Variants in NTM observed in about 807,000 individuals in gnomAD.
NTM encodes the protein neurotrimin, also known as IgLON family member 2.
A neutral mutation model predicts 42.1 loss-of-function variants in NTM; 13 were observed. The observed-to-expected ratio is 0.31, with a 90% confidence interval of 0.20 to 0.49. The LOEUF (loss-of-function observed/expected upper bound fraction) is 0.49, where lower values mean the gene tolerates loss of function less well. Ranked by LOEUF, NTM falls within the 20% of genes least tolerant of loss-of-function variation. The pLI, the probability that NTM is intolerant of heterozygous loss-of-function variation, is 0.99. For synonymous variants in NTM, 187 were observed against 179.2 expected (o/e 1.04, Z -0.35); for missense variants, 373 against 452.8 (o/e 0.82, Z 1.60).
At chr11:131,835,092 G>A (rs985212462) in intron 1 of NTM, among the ~76,000 whole-genome samples, 5 of 152,142 alleles carry the variant, frequency 3.3e-5, no homozygotes, top group Non-Finnish European at 7.3e-5. Flanking sequence ...CTTACACTCT[G>A]GAGACTGGAT....
intron 2 of NTM, among the ~76,000 whole-genome samples, chr11:131,959,531 G>A (rs897127014): frequency 6.6e-6 from 1 of 152,172 alleles, no homozygotes; most frequent in Admixed American, 6.5e-5. Context: ...AGCTACTAGG[G>A]AGGTTGTGGT....
intron 7 of NTM, among the ~76,000 whole-genome samples, chr11:132,318,158 G>A (rs1425114934): frequency 1.3e-5 from 2 of 152,206 alleles, no homozygotes; most frequent in Admixed American, 1.3e-4. Context: ...GCATGGCACT[G>A]CATGAGTGGT....
chr11:132,011,918 G>A lies in NTM; in HGVS notation c.167+100270G>A, dbSNP rs150326823. 8.0e-3 allele frequency among the ~76,000 whole-genome samples: 1,213 copies of A among 152,228 alleles called. 8 individuals are homozygous for A. The highest frequency in any genetic ancestry group is 0.013 in the Non-Finnish European group (857 of 68,004). The stretch of plus-strand genomic sequence containing the variant: ...CCAATCCCTGTTCTCTCTCAGTTTG[G>A]AAGTAATTGTTCTTTTATTGCAAAT... On this transcript the variant is annotated intron_variant, in intron 2 of 8. Transcript: ENST00000683400.
chr11:131,926,277 A>C (rs965884034), intron 2 of NTM, among the ~76,000 whole-genome samples: 1 of 152,200 alleles, frequency 6.6e-6, no homozygotes, highest in Non-Finnish European at 1.5e-5. Flanking sequence ...CAAGCTGCAC[A>C]ACTGTACTTA....
chr11:131,560,727 C>A (rs190564914), intron 1 of NTM, among the ~76,000 whole-genome samples: 1 of 152,362 alleles, frequency 6.6e-6, no homozygotes, highest in East Asian at 1.9e-4. Context: ...ATCGCTCTCT[C>A]ATTAAATGTA....
chr11:131,450,439 G>A (rs191812919), intron 1 of NTM, among the ~76,000 whole-genome samples: 24 of 152,190 alleles, frequency 1.6e-4, no homozygotes, highest in African/African-American at 5.5e-4. Context: ...TTCCGCCTGG[G>A]ACCCTTCTCC....
At chr11:131,706,537 C>T (rs1044907751) in intron 1 of NTM, among the ~76,000 whole-genome samples, 4 of 151,966 alleles carry the variant, frequency 2.6e-5, no homozygotes, top group East Asian at 1.9e-4. Flanking sequence ...AAAATACATA[C>T]TATTTTCAAG....
chr11:131,560,201 A>C (rs1261640968), intron 1 of NTM, among the ~76,000 whole-genome samples: 1 of 152,196 alleles, frequency 6.6e-6, no homozygotes, highest in Non-Finnish European at 1.5e-5. Flanking sequence ...CTCCCTATTC[A>C]GTCACACTTT....
chr11:132,228,392 G>A (rs943759863), intron 4 of NTM, among the ~76,000 whole-genome samples: 1 of 152,116 alleles, frequency 6.6e-6, no homozygotes, highest in African/African-American at 2.4e-5. Flanking sequence ...CGTACCTGCC[G>A]CCATACCTTG....
At chr11:131,536,225 C>T (rs2052189981) in intron 1 of NTM, 1 of 152,094 alleles carries the variant, frequency 6.6e-6, no homozygotes, top group South Asian at 2.1e-4. Flanking sequence ...GTACTTGTAC[C>T]CCTAAAATTT....
intron 4 of NTM, among the ~76,000 whole-genome samples, chr11:132,307,370 G>A (rs372192086): frequency 3.9e-5 from 6 of 152,268 alleles, no homozygotes; most frequent in East Asian, 1.9e-4. Context: ...CCCAGAGCAC[G>A]ACGGCTTGGT....
chr11:131,743,209 C>A (rs918639549), intron 1 of NTM, among the ~76,000 whole-genome samples: 1 of 150,118 alleles, frequency 6.7e-6, no homozygotes, highest in East Asian at 1.9e-4. Flanking sequence ...CCTAATTGTG[C>A]ATTTCACTGG....
intron 2 of NTM, among the ~76,000 whole-genome samples, chr11:132,035,148 C>T (rs1363357216): frequency 6.6e-6 from 1 of 152,180 alleles, no homozygotes; most frequent in East Asian, 1.9e-4. Flanking sequence ...ACTTGATATT[C>T]AGGCTCTCCT....
intron 1 of NTM, among the ~76,000 whole-genome samples, chr11:131,827,224 A>G (rs2042245997): frequency 6.6e-6 from 1 of 152,202 alleles, no homozygotes; most frequent in African/African-American, 2.4e-5. Context: ...ACTGCTATAG[A>G]GGTAAAGGCA....
At chr11:131,397,522 A>G (rs943027642) in intron 1 of NTM, among the ~76,000 whole-genome samples, 1 of 152,132 alleles carries the variant, frequency 6.6e-6, no homozygotes. Flanking sequence ...GTATTATTTC[A>G]TCTTGCTTTG....
At chr11:132,166,035 T>G (rs1242306383) in intron 3 of NTM, among the ~76,000 whole-genome samples, 1 of 152,102 alleles carries the variant, frequency 6.6e-6, no homozygotes, top group Non-Finnish European at 1.5e-5. Context: ...GTTGAAAATT[T>G]TCACCTAAAG....
chr11:131,446,237 T>C (rs1003728430), intron 1 of NTM, among the ~76,000 whole-genome samples: 1 of 150,860 alleles, frequency 6.6e-6, no homozygotes, highest in Non-Finnish European at 1.5e-5. Flanking sequence ...TGAAATACAA[T>C]TTGCATTCTG....
chr11:132,106,032 C>G (rs1004070379), intron 2 of NTM, among the ~76,000 whole-genome samples: 1 of 152,098 alleles, frequency 6.6e-6, no homozygotes, highest in African/African-American at 2.4e-5. Flanking sequence ...ATCATGGGCT[C>G]CGTGGCAACC....
In NTM at chr11:131,400,979, C is replaced by CCA. The variant is rs56256717; in HGVS notation, c.82+30122_82+30123dup. Among the ~76,000 whole-genome samples, 398 of 141,696 alleles carry CCA rather than the reference C, an allele frequency of 2.8e-3. 1 individual carries two copies. The highest frequency in any genetic ancestry group is 8.0e-3 in the East Asian group (39 of 4,864). 93.0% of individuals were successfully genotyped at this position (141,696 alleles called of 152,430 possible). ...CCTTCCCTGCCACCCCTGCCACCTG[C>CCA]CACACACACACACACACACACACAC... On this transcript the variant is annotated intron_variant, in intron 1 of 8. Coordinates refer to ENST00000683400, the MANE Select transcript of NTM (RefSeq NM_001352005.2).
Sources: allele counts gnomAD v4.1 joint callset (sites outside exome capture counted in the v4.1 genomes callset), GRCh38; gene constraint gnomAD v4.1.1; transcripts MANE v1.5; gene names NCBI Gene and HGNC (gene_info 2026-07-23, HGNC 2026-07-21).